The following SERP1 variants were observed in gnomAD, a reference collection of about 807,000 sequenced individuals.
SERP1 encodes stress associated endoplasmic reticulum protein 1.
A neutral mutation model predicts 8.8 loss-of-function variants in SERP1; 6 were observed. The observed-to-expected ratio is 0.68, with a 90% CI of 0.37 to 1.35. The LOEUF is 1.35. SERP1 is among the 40% of genes most tolerant of loss of function. The pLI is 0.02. For missense variants in SERP1, 52 were observed against 86.2 expected, an observed-to-expected ratio of 0.60 and a Z score of 1.57; for synonymous variants, 36 against 28.7, an observed-to-expected ratio of 1.25 and a Z score of -0.81.
intron 1 of SERP1, 46 bp from the exon 2 acceptor site, chr3:150,545,824 G>A: frequency 6.4e-7 from 1 of 1,554,516 alleles, no homozygotes; most frequent in Non-Finnish European, 8.7e-7. Context: ...GAAACCACTC[G>A]GACCCCAGGC....
rs1723029302 is a variant in SERP1 at position 150,546,482 on chromosome 3, C to G, written c.-347G>C. On this transcript the variant is annotated 5_prime_UTR_variant, in exon 1 of 3. Coordinates refer to ENST00000239944, the MANE Select transcript of SERP1 (RefSeq NM_014445.4). Reference sequence around the variant, plus strand: ...CAACGCAACAACGGGAATGTGCAGCCCGCCGCCTCGATCTACTTTGGGTTC... The same window carrying G: ...CAACGCAACAACGGGAATGTGCAGCGCGCCGCCTCGATCTACTTTGGGTTC... 1 of 572,652 alleles carries G rather than the reference C, an allele frequency of 1.7e-6. No individual in the cohort carries two copies. Among genetic ancestry groups the G allele is most frequent in the Non-Finnish European group, 3.1e-6 (1 of 322,464 alleles). The allele number at this position is 572,652 out of a possible 1,614,324, so 35.5% of individuals were successfully genotyped here. A position where few individuals can be genotyped will look rare whatever the true frequency, so the allele number is the denominator to read the frequency against.
chr3:150,545,596 G>T, intron 2 of SERP1, 107 bp downstream of exon 2: 1 of 1,027,304 alleles, frequency 9.7e-7, no homozygotes, highest in Non-Finnish European at 1.5e-6. Context: ...TCCTCGGCAG[G>T]TGGGTTGAGA....
At chr3:150,545,670 ACT>A in intron 2 of SERP1, 31 bp downstream of exon 2, 2 of 1,580,602 alleles carry the variant, frequency 1.3e-6, no homozygotes, top group South Asian at 1.1e-5. Flanking sequence ...TCAACCCAAG[ACT>A]CTACCTGATG....
chr3:150,545,627 T>C (rs777539528), intron 2 of SERP1, 76 bp downstream of exon 2: 2 of 1,408,178 alleles, frequency 1.4e-6, no homozygotes, highest in Non-Finnish European at 2.0e-6. Flanking sequence ...TAGGACTCAC[T>C]ACTGACCGGT....
In SERP1 at chr3:150,546,405, CGCCGCCGCTTTG is replaced by C. The variant is rs1054004859; in HGVS notation, c.-282_-271del. 11 of 557,130 alleles carry C rather than the reference CGCCGCCGCTTTG, an allele frequency of 2.0e-5. No homozygotes were observed. The highest frequency in any genetic ancestry group is 2.0e-4 in the African/African-American group (10 of 50,838). 34.5% of individuals were successfully genotyped at this position (557,130 alleles called of 1,614,324 possible). ...CGCCGGGTCGTTCTCGCGCCGCCGT[CGCCGCCGCTTTG>C]GCCGCCGCCGTGAGCGCGGAGTGAA... On this transcript the variant is annotated 5_prime_UTR_variant, in exon 1 of 3. Coordinates refer to ENST00000239944, the MANE Select transcript of SERP1 (RefSeq NM_014445.4).
In SERP1 at chr3:150,546,405, C is replaced by T; in HGVS notation, c.-270G>A. 1 of 557,248 alleles carries T rather than the reference C, an allele frequency of 1.8e-6. No individual in the cohort carries two copies. Among genetic ancestry groups the T allele is most frequent in the Non-Finnish European group, 3.1e-6 (1 of 318,798 alleles). 34.5% of individuals were successfully genotyped at this position (557,248 alleles called of 1,614,324 possible). On this transcript the variant is annotated 5_prime_UTR_variant, in exon 1 of 3. Transcript: ENST00000239944. Reference sequence around the variant, plus strand: ...CGCCGGGTCGTTCTCGCGCCGCCGTCGCCGCCGCTTTGGCCGCCGCCGTGA... The same window carrying T: ...CGCCGGGTCGTTCTCGCGCCGCCGTTGCCGCCGCTTTGGCCGCCGCCGTGA...
intron 2 of SERP1, 55 bp downstream of exon 2, chr3:150,545,648 T>C (rs745896688): frequency 1.7e-5 from 26 of 1,534,836 alleles, no homozygotes; most frequent in Non-Finnish European, 2.0e-5. Context: ...CACCACGTCA[T>C]CCCAAATCCT....
intron 2 of SERP1, 146 bp from the exon 3 acceptor site, chr3:150,544,644 G>C (rs547112362): frequency 3.3e-5 from 19 of 570,880 alleles, no homozygotes; most frequent in African/African-American, 2.7e-4. Flanking sequence ...AAGAAGTGAA[G>C]ACAGGCCTGT....
chr3:150,544,091 T>C lies in SERP1; in HGVS notation c.*367A>G. ...AATTGTAATTTAAGCTAACTGCAGT[T>C]ATACATTTGGGTTAACAAAATCTAG... On this transcript the variant is annotated 3_prime_UTR_variant, in exon 3 of 3. Transcript: ENST00000239944. 5.2e-6 allele frequency: 1 copy of C among 193,390 alleles called. No individual in the cohort carries two copies. Among genetic ancestry groups the C allele is most frequent in the Non-Finnish European group, 1.1e-5 (1 of 94,694 alleles). 12.0% of individuals were successfully genotyped at this position (193,390 alleles called of 1,614,324 possible).
chr3:150,545,943 C>A (rs948876228), intron 1 of SERP1, 109 bp downstream of exon 1: 7 of 1,462,304 alleles, frequency 4.8e-6, no homozygotes, highest in Middle Eastern at 1.9e-4. Flanking sequence ...TACCCCTCCA[C>A]GGCACCAGCC....
rs1417475821 is a variant in SERP1 at position 150,543,783 on chromosome 3, G to C, written c.*675C>G. ...GAAAACGATCAAGTTTTTTTTTTATGGCATCTTGGGTTACTATACTCACTC... is the reference window on the plus strand; with the variant it reads ...GAAAACGATCAAGTTTTTTTTTTATCGCATCTTGGGTTACTATACTCACTC... On this transcript the variant is annotated 3_prime_UTR_variant, in exon 3 of 3. Coordinates refer to ENST00000239944, the MANE Select transcript of SERP1 (RefSeq NM_014445.4). 1 of 151,886 alleles carries C rather than the reference G, an allele frequency of 6.6e-6. No individual in the cohort carries two copies. Among genetic ancestry groups the C allele is most frequent in the Non-Finnish European group, 1.5e-5 (1 of 67,936 alleles). The allele number at this position is 151,886 out of a possible 1,614,324, so 9.4% of individuals were successfully genotyped here.
chr3:150,543,493 T>G lies in SERP1; in HGVS notation c.*965A>C, dbSNP rs1042141303. The G allele has an allele frequency of 4.6e-5, 7 of 152,606 alleles. No individual in the cohort carries two copies. Among genetic ancestry groups the G allele is most frequent in the African/African-American group, 1.7e-4 (7 of 41,446 alleles). 9.5% of individuals were successfully genotyped at this position (152,606 alleles called of 1,614,324 possible). A position where few individuals can be genotyped will look rare whatever the true frequency, so the allele number is the denominator to read the frequency against. On this transcript the variant is annotated 3_prime_UTR_variant, in exon 3 of 3. Coordinates refer to ENST00000239944, the MANE Select transcript of SERP1 (RefSeq NM_014445.4). ...AAAGCATTTGCAAACTAAGGATAAC[T>G]TCGCAGTTGATGTGCCTTTTTTTGC...
Position 150,546,068 on chromosome 3 carries a change from T to C in SERP1, c.68A>G (p.Asn23Ser), listed in dbSNP as rs150926979. 2.5e-6 allele frequency: 4 copies of C among 1,613,706 alleles called. No individual in the cohort carries two copies. The highest frequency in any genetic ancestry group is 2.7e-5 in the African/African-American group (2 of 74,946). The change falls in exon 1 of 3, where the codon AAC (asparagine) becomes AGC (serine). Residue 23 changes from asparagine (N) to serine (S), a missense_variant. Transcript: ENST00000239944. ...TTTCCTTACCGAGGTCTTGGCGACG[T>C]TGCCGCGCTGGGTGATGTTCTTGCT... ...KHSKNITQRGNVAKTSRNAPE... is the reference protein window; with the variant it reads ...KHSKNITQRGSVAKTSRNAPE...
Position 150,546,462 on chromosome 3 carries a change from C to G in SERP1, c.-327G>C, listed in dbSNP as rs973386630. The G allele has an allele frequency of 1.8e-6, 1 of 557,802 alleles. No individual in the cohort carries two copies. The highest frequency in any genetic ancestry group is 3.2e-6 in the Non-Finnish European group (1 of 317,184). The allele number at this position is 557,802 out of a possible 1,614,324, so 34.6% of individuals were successfully genotyped here. On this transcript the variant is annotated 5_prime_UTR_variant, in exon 1 of 3. Transcript: ENST00000239944. ...AGTGAAAGAGGAAGGAAACGCAACGCAACAACGGGAATGTGCAGCCCGCCG... is the reference window on the plus strand; with the variant it reads ...AGTGAAAGAGGAAGGAAACGCAACGGAACAACGGGAATGTGCAGCCCGCCG...
Position 150,544,547 on chromosome 3 carries a change from T to A in SERP1, c.161-49A>T. The A allele has an allele frequency of 2.1e-6, 3 of 1,439,584 alleles. No homozygotes were observed. In the East Asian group the frequency reaches 6.8e-5, roughly 33 times the overall value. The allele number at this position is 1,439,584 out of a possible 1,614,324, so 89.2% of individuals were successfully genotyped here. A position where few individuals can be genotyped will look rare whatever the true frequency, so the allele number is the denominator to read the frequency against. ...TAAAATAAGCTTTGAATAAAATAGG[T>A]CTGGTGTCTAACAAATATTTATTAA... On this transcript the variant is annotated intron_variant, in intron 2 of 2. Transcript: ENST00000239944.
At chr3:150,544,605 T>A in intron 2 of SERP1, 107 bp from the exon 3 acceptor site, 1 of 816,292 alleles carries the variant, frequency 1.2e-6, no homozygotes, top group Non-Finnish European at 2.0e-6. Flanking sequence ...ACTCTTACAT[T>A]TGCAAATGGT....
At position 150,546,213 on chromosome 3, in the gene SERP1, C is replaced by T; in HGVS notation, c.-78G>A. 6.5e-7 allele frequency: 1 copy of T among 1,533,044 alleles called. No individual in the cohort carries two copies. Among genetic ancestry groups the T allele is most frequent in the East Asian group, 2.3e-5 (1 of 44,352 alleles). 95.0% of individuals were successfully genotyped at this position (1,533,044 alleles called of 1,614,324 possible). ...TGCCTCCTCTGGAGCCGCTGCGAGGCTCGGCTCGTGGTGCCCGCGCCGCCG... is the reference window on the plus strand; with the variant it reads ...TGCCTCCTCTGGAGCCGCTGCGAGGTTCGGCTCGTGGTGCCCGCGCCGCCG... On this transcript the variant is annotated 5_prime_UTR_variant, in exon 1 of 3. Coordinates refer to ENST00000239944, the MANE Select transcript of SERP1 (RefSeq NM_014445.4).
chr3:150,545,995 G>A (rs897506303), intron 1 of SERP1, 57 bp downstream of exon 1: 3 of 1,602,536 alleles, frequency 1.9e-6, no homozygotes, highest in Admixed American at 1.7e-5. Context: ...CGCGGCCCCA[G>A]GGACCCGGAC....
chr3:150,545,780 T>C lies in SERP1; in HGVS notation c.85-2A>G. 6.2e-7 allele frequency: 1 copy of C among 1,603,622 alleles called. No individual in the cohort carries two copies. Among genetic ancestry groups the C allele is most frequent in the South Asian group, 1.1e-5 (1 of 89,630 alleles). ...CGCCTTCTCTTCGGGGGCATTTCTC[T>C]GCAAAAGCGAAAATCCACCATTTCA... On this transcript the variant is annotated splice_acceptor_variant, in intron 1 of 2. Transcript: ENST00000239944. LOFTEE classifies it high-confidence loss of function.
Sources: gnomAD v4.1 joint callset for allele counts on GRCh38, gnomAD v4.1.1 for gene constraint, MANE v1.5 for transcripts, NCBI Gene and HGNC (gene_info 2026-07-23, HGNC 2026-07-21) for gene names.